Variants in TNNI3K observed in about 807,000 individuals in gnomAD.
TNNI3K encodes the protein serine/threonine-protein kinase TNNI3K.
A neutral mutation model predicts 114.5 loss-of-function variants in TNNI3K; 140 were observed. That is an observed-to-expected ratio of 1.22 (90% CI 1.07 to 1.41). The LOEUF (loss-of-function observed/expected upper bound fraction) is 1.41. TNNI3K is among the 40% of genes most tolerant of loss of function. TNNI3K has a pLI of 0.00. For synonymous variants in TNNI3K, 347 were observed against 347.5 expected, an observed-to-expected ratio of 1.00 and a Z score of 0.02; for missense variants, 1,125 against 1,007.6, an observed-to-expected ratio of 1.12 and a Z score of -1.58.
At chr1:74,407,498 G>A (rs1664672082) in intron 17 of TNNI3K, among the ~76,000 whole-genome samples, 1 of 152,166 alleles carries the variant, frequency 6.6e-6, no homozygotes, top group South Asian at 2.1e-4. Flanking sequence ...TATGATTAAA[G>A]ATTTGCATTT....
intron 5 of TNNI3K, among the ~76,000 whole-genome samples, chr1:74,324,387 C>A (rs187343590): frequency 1.3e-5 from 2 of 152,328 alleles, no homozygotes; most frequent in Admixed American, 6.5e-5. Context: ...CAACTGCAAA[C>A]AGTAACATAG....
intron 20 of TNNI3K, among the ~76,000 whole-genome samples, chr1:74,462,020 T>C (rs1480437553): frequency 6.6e-6 from 1 of 152,248 alleles, no homozygotes; most frequent in Non-Finnish European, 1.5e-5. Context: ...AATTACATAA[T>C]TGTATATTGA....
At chr1:74,524,999 A>G (rs1570741341) in intron 23 of TNNI3K, among the ~76,000 whole-genome samples, 2 of 152,334 alleles carry the variant, frequency 1.3e-5, no homozygotes, top group East Asian at 3.9e-4. Context: ...ATTCAATTAT[A>G]TAGTAAGTAT....
intron 17 of TNNI3K, among the ~76,000 whole-genome samples, chr1:74,392,888 A>T (rs564173575): frequency 3.3e-5 from 5 of 152,352 alleles, no homozygotes; most frequent in African/African-American, 1.2e-4. Context: ...CAGTATCATA[A>T]GTGTCTTCAG....
chr1:74,284,296 A>C (rs1657194248), intron 5 of TNNI3K, among the ~76,000 whole-genome samples: 1 of 152,098 alleles, frequency 6.6e-6, no homozygotes, highest in Non-Finnish European at 1.5e-5. Context: ...TGGATCTCCG[A>C]AGACCCTTTA....
chr1:74,321,837 TA>T (rs1424148308), intron 5 of TNNI3K, among the ~76,000 whole-genome samples: 1 of 152,044 alleles, frequency 6.6e-6, no homozygotes, highest in Non-Finnish European at 1.5e-5. Context: ...CTCAAATACT[TA>T]ATTAGAGATA....
intron 17 of TNNI3K, among the ~76,000 whole-genome samples, chr1:74,411,889 G>A (rs1242602708): frequency 6.6e-6 from 1 of 152,066 alleles, no homozygotes; most frequent in Non-Finnish European, 1.5e-5. Context: ...CATGGGAGAA[G>A]GGGCATTCCA....
intron 4 of TNNI3K, among the ~76,000 whole-genome samples, chr1:74,260,767 A>G (rs1655615368): frequency 6.6e-6 from 1 of 152,086 alleles, no homozygotes; most frequent in South Asian, 2.1e-4. Flanking sequence ...AATCCTAACA[A>G]TATAAAAGAA....
intron 17 of TNNI3K, among the ~76,000 whole-genome samples, chr1:74,405,168 C>T (rs1045416217): frequency 2.3e-4 from 35 of 152,082 alleles, no homozygotes; most frequent in African/African-American, 8.0e-4. Context: ...CTAAGTTTAG[C>T]TCTTAGGTGC....
intron 11 of TNNI3K, among the ~76,000 whole-genome samples, chr1:74,354,971 T>C (rs1215154962): frequency 1.3e-5 from 2 of 152,204 alleles, no homozygotes; most frequent in African/African-American, 4.8e-5. Context: ...AGCATCTTTG[T>C]AATTGTTATT....
intron 9 of TNNI3K, among the ~76,000 whole-genome samples, chr1:74,346,880 T>C (rs1407573862): frequency 6.6e-6 from 1 of 151,894 alleles, no homozygotes; most frequent in Non-Finnish European, 1.5e-5. Flanking sequence ...GCTGCCTCTC[T>C]GTCAATGTCA....
At chr1:74,439,390 A>G in intron 19 of TNNI3K, 100 bp from the exon 20 acceptor site, 1 of 1,517,762 alleles carries the variant, frequency 6.6e-7, no homozygotes, top group South Asian at 1.3e-5. Flanking sequence ...TTTTGAGAGC[A>G]TCGGGAGAAC....
rs908114273 is a variant in TNNI3K, at chr1:74,466,104, A to G, written c.2121+2554A>G. 5.6e-4 allele frequency among the ~76,000 whole-genome samples: 86 copies of G among 152,304 alleles called. 1 individual carries two copies. The highest frequency in any genetic ancestry group is 1.7e-3 in the African/African-American group (72 of 41,558). On this transcript the variant is annotated intron_variant, in intron 21 of 24. Coordinates refer to ENST00000326637, the MANE Select transcript of TNNI3K (RefSeq NM_015978.3). ...GTCAGCAAGACCACGAACCCACCAG[A>G]AGGAAGAAACTCCGGACATATCTGA...
chr1:74,438,381 G>A (rs1234135829), intron 19 of TNNI3K, among the ~76,000 whole-genome samples: 1 of 151,984 alleles, frequency 6.6e-6, no homozygotes, highest in Non-Finnish European at 1.5e-5. Context: ...AAAATAAGGT[G>A]GACATTTCAA....
chr1:74,353,407 A>G (rs1296328393), intron 10 of TNNI3K, 47 bp downstream of exon 10: 2 of 1,601,100 alleles, frequency 1.2e-6, no homozygotes, highest in South Asian at 2.2e-5. Context: ...CTTATCAATG[A>G]TTAAGAATAA....
At chr1:74,379,335 GCA>G (rs59962221) in intron 17 of TNNI3K, among the ~76,000 whole-genome samples, 129,112 of 150,504 alleles carry the variant, frequency 0.86, 55,528 homozygotes, top group East Asian at 0.91. Flanking sequence ...ATACACGCGC[GCA>G]CACACACACA....
intron 17 of TNNI3K, among the ~76,000 whole-genome samples, chr1:74,412,971 T>C (rs1392723720): frequency 6.6e-6 from 1 of 152,178 alleles, no homozygotes; most frequent in African/African-American, 2.4e-5. Flanking sequence ...TTCTCTCTTG[T>C]TCAGGTAAGA....
chr1:74,340,420 T>A (rs915376718), intron 7 of TNNI3K, among the ~76,000 whole-genome samples: 1 of 152,172 alleles, frequency 6.6e-6, no homozygotes, highest in Non-Finnish European at 1.5e-5. Context: ...TTCTTTTTTG[T>A]CTTTGCAAAT....
At position 74,300,556 on chromosome 1, in the gene TNNI3K, A is replaced by G. The variant is rs1658263403; in HGVS notation, c.444+28848A>G. ...AAGGCAGAAGAGAGCCTAGAGAGCA[A>G]TATAAAATGCAAAGATCTTAAGCCT... On this transcript the variant is annotated intron_variant, in intron 5 of 24. Coordinates refer to ENST00000326637, the MANE Select transcript of TNNI3K (RefSeq NM_015978.3). 2.0e-5 allele frequency among the ~76,000 whole-genome samples: 3 copies of G among 152,240 alleles called. No homozygotes were observed. In the South Asian group the frequency reaches 6.2e-4, roughly 32 times the overall value.
Sources: allele counts gnomAD v4.1 joint callset (sites outside exome capture counted in the v4.1 genomes callset), GRCh38; gene constraint gnomAD v4.1.1; transcripts MANE v1.5; gene names NCBI Gene and HGNC (gene_info 2026-07-23, HGNC 2026-07-21).